Variants in COLGALT1 observed in about 807,000 individuals in gnomAD.
COLGALT1 encodes the protein procollagen galactosyltransferase 1.
In COLGALT1, 43 loss-of-function variants were observed where a neutral mutation model predicts 60.8. The ratio of observed to expected loss-of-function variants is 0.71; its 90% CI spans 0.55 to 0.91. The LOEUF (loss-of-function observed/expected upper bound fraction) is 0.91, where lower values mean the gene tolerates loss of function less well. COLGALT1 is among the 40% of genes least tolerant of loss of function. The pLI is 0.00. For missense variants in COLGALT1, 845 were observed against 880.0 expected (o/e 0.96, Z 0.50); for synonymous variants, 369 against 374.2 (o/e 0.99, Z 0.16).
intron 6 of COLGALT1, among the ~76,000 whole-genome samples, chr19:17,573,418 A>G (rs2076323910): frequency 6.6e-6 from 1 of 152,212 alleles, no homozygotes; most frequent in Non-Finnish European, 1.5e-5. Context: ...AGTCCCAGCT[A>G]CTTGGGAGGC....
At chr19:17,570,236 A>G (rs1447981389) in intron 5 of COLGALT1, among the ~76,000 whole-genome samples, 1 of 151,196 alleles carries the variant, frequency 6.6e-6, no homozygotes, top group African/African-American at 2.4e-5. Context: ...AACAACTTTT[A>G]TATTTTATTT....
intron 3 of COLGALT1, among the ~76,000 whole-genome samples, chr19:17,566,959 C>T (rs2076282752): frequency 6.6e-6 from 1 of 152,022 alleles, no homozygotes; most frequent in Non-Finnish European, 1.5e-5. Context: ...ATTAAAAATA[C>T]AAAAAGTTAC....
At chr19:17,577,003 T>TGGGAGGCAGGAC in intron 6 of COLGALT1, 192 bp from the exon 7 acceptor site, 1 of 587,594 alleles carries the variant, frequency 1.7e-6, no homozygotes, top group East Asian at 2.9e-5. Flanking sequence ...TGGCCAGGGC[T>TGGGAGGCAGGAC]TTGGGCTGCT....
intron 6 of COLGALT1, 191 bp from the exon 7 acceptor site, chr19:17,577,004 T>TGGGTGCGGGGTGAAGC: frequency 3.3e-6 from 1 of 307,172 alleles, no homozygotes; most frequent in Non-Finnish European, 6.1e-6. Flanking sequence ...GGCCAGGGCT[T>TGGGTGCGGGGTGAAGC]TGGGCTGCTG....
At chr19:17,577,313 GC>G (rs1256757896) in intron 7 of COLGALT1, 42 bp downstream of exon 7, 1 of 1,610,048 alleles carries the variant, frequency 6.2e-7, no homozygotes, top group South Asian at 1.1e-5. Context: ...GGGCTGGAGG[GC>G]CCTTGTTTGC....
At position 17,581,180 on chromosome 19, in the gene COLGALT1, C is replaced by A. The variant is rs778596520; in HGVS notation, c.1605C>A (p.Ser535=). 1 of 1,606,264 alleles carries A rather than the reference C, an allele frequency of 6.2e-7. No individual in the cohort carries two copies. The highest frequency in any genetic ancestry group is 1.1e-5 in the South Asian group (1 of 90,876). Residue 535 remains serine (S), a synonymous_variant, in exon 12 of 12, where the codon TCC becomes TCA. Coordinates refer to ENST00000252599, the MANE Select transcript of COLGALT1 (RefSeq NM_024656.4). The part of the protein sequence containing the change: ...LPVMFDKHPV[S]EYKAHFSLRN... The stretch of plus-strand genomic sequence containing the variant: ...ACTCCCCTCCTCCTCCCCCCAGGTC[C>A]GAGTACAAGGCCCACTTCTCCCTCC...
At position 17,572,041 on chromosome 19, in the gene COLGALT1, G is replaced by A. The variant is rs139396701; in HGVS notation, c.830-442G>A. The stretch of plus-strand genomic sequence containing the variant: ...AAAATTATTTGTAGAGCCGGGCGTG[G>A]TGGCTCATACCTGTAATCCCAGCAC... On this transcript the variant is annotated intron_variant, in intron 5 of 11. Transcript: ENST00000252599. 56 of 155,182 alleles carry A rather than the reference G, an allele frequency of 3.6e-4. No individual in the cohort carries two copies. The East Asian group carries it at 8.4e-3, about 23-fold the overall frequency. The allele number at this position is 155,182 out of a possible 1,614,324, so 9.6% of individuals were successfully genotyped here. A position where few individuals can be genotyped will look rare whatever the true frequency, so the allele number is the denominator to read the frequency against.
At chr19:17,574,560 C>G (rs539487217) in intron 6 of COLGALT1, among the ~76,000 whole-genome samples, 1 of 152,198 alleles carries the variant, frequency 6.6e-6, no homozygotes, top group Non-Finnish European at 1.5e-5. Flanking sequence ...GAACTCCTGT[C>G]CTCAGGTGAT....
chr19:17,580,861 G>T lies in COLGALT1; in HGVS notation c.1557G>T (p.Leu519=). 6.2e-7 allele frequency: 1 copy of T among 1,613,954 alleles called. No homozygotes were observed. Among genetic ancestry groups the T allele is most frequent in the Non-Finnish European group, 8.5e-7 (1 of 1,180,016 alleles). ...LLAAEPLSKM[L]PVDEFLPVMF... ...CTGCTGAGCCGCTCTCCAAGATGCT[G>T]CCTGTGGACGAGTTCCTGCCCGTCA... The change falls in exon 11 of 12, where the codon CTG becomes CTT. Residue 519 remains leucine (L), a synonymous_variant. Transcript: ENST00000252599.
Position 17,577,993 on chromosome 19 carries a change from C to T in COLGALT1, c.1170C>T (p.Ile390=). The T allele has an allele frequency of 6.2e-7, 1 of 1,612,252 alleles. No homozygotes were observed. Among genetic ancestry groups the T allele is most frequent in the Non-Finnish European group, 8.5e-7 (1 of 1,179,522 alleles). ...CCAGCCAGGTGGAGGCGCTGGGGAT[C>T]CAGATGCTGCCTGGCTACCGGGACC... The part of the protein sequence containing the change: ...MNTSQVEALG[I]QMLPGYRDPY... Residue 390 remains isoleucine, a synonymous_variant, in exon 9 of 12, where the codon ATC becomes ATT. Transcript: ENST00000252599.
At position 17,581,265 on chromosome 19, in the gene COLGALT1, G is replaced by A; in HGVS notation, c.1690G>A (p.Asp564Asn). The change falls in exon 12 of 12, where the codon GAC (aspartate) becomes AAC (asparagine). Residue 564 changes from aspartate (D) to asparagine (N), a missense_variant. Coordinates refer to ENST00000252599, the MANE Select transcript of COLGALT1 (RefSeq NM_024656.4). ...CATCTACCCCACACACTACACAGGA[G>A]ACGATGGCTATGTGAGTGACACCGA... The part of the protein sequence containing the change: ...LLIYPTHYTG[D>N]DGYVSDTETS... 6.2e-7 allele frequency: 1 copy of A among 1,612,070 alleles called. No homozygotes were observed. Among genetic ancestry groups the A allele is most frequent in the Non-Finnish European group, 8.5e-7 (1 of 1,179,954 alleles).
intron 5 of COLGALT1, among the ~76,000 whole-genome samples, chr19:17,569,507 G>A (rs1235154188): frequency 2.6e-5 from 4 of 151,016 alleles, no homozygotes; most frequent in East Asian, 1.9e-4. Context: ...GTGCGATCTC[G>A]GCTCACTGCA....
chr19:17,581,026 T>C, intron 11 of COLGALT1, 121 bp downstream of exon 11: 1 of 1,401,152 alleles, frequency 7.1e-7, no homozygotes, highest in Non-Finnish European at 9.9e-7. Context: ...TCTCCCTCCG[T>C]TTGCCCCCTC....
chr19:17,579,453 C>T (rs748229813), intron 9 of COLGALT1, 29 bp from the exon 10 acceptor site: 1 of 1,614,032 alleles, frequency 6.2e-7, no homozygotes, highest in African/African-American at 1.3e-5. Flanking sequence ...CTTGGCCTCC[C>T]TGTGATGTGG....
intron 6 of COLGALT1, among the ~76,000 whole-genome samples, chr19:17,573,489 A>G (rs1441277348): frequency 6.6e-6 from 1 of 152,112 alleles, no homozygotes; most frequent in Admixed American, 6.6e-5. Context: ...AGATCGTGCC[A>G]CTGCACTTCA....
At chr19:17,559,627 G>A (rs1197507943) in intron 2 of COLGALT1, among the ~76,000 whole-genome samples, 2 of 152,112 alleles carry the variant, frequency 1.3e-5, no homozygotes, top group Admixed American at 6.6e-5. Context: ...GCCGTTCCCT[G>A]TACCTAGAAT....
chr19:17,568,386 A>ACC, intron 4 of COLGALT1, 123 bp from the exon 5 acceptor site: 1 of 826,896 alleles, frequency 1.2e-6, no homozygotes, highest in Middle Eastern at 3.5e-4. Flanking sequence ...GGGTCCTGGG[A>ACC]CCACAGGCGC....
At position 17,571,063 on chromosome 19, in the gene COLGALT1, G is replaced by A. The variant is rs563039557; in HGVS notation, c.830-1420G>A. Among the ~76,000 whole-genome samples the A allele has an allele frequency of 7.9e-5, 12 of 152,220 alleles. No individual in the cohort carries two copies. In the South Asian group the frequency reaches 8.3e-4, roughly 11 times the overall value. ...GAACAGAGTCATTGAGATAGAAACC[G>A]TCTGGCACACAAGCCTAAAATACTT... On this transcript the variant is annotated intron_variant, in intron 5 of 11. Transcript: ENST00000252599.
At chr19:17,576,499 G>T (rs1291814809) in intron 6 of COLGALT1, among the ~76,000 whole-genome samples, 1 of 151,874 alleles carries the variant, frequency 6.6e-6, no homozygotes, top group Admixed American at 6.6e-5. Context: ...GGAGCATGGG[G>T]CGTGGCCAGG....
Sources: allele counts gnomAD v4.1 joint callset (sites outside exome capture counted in the v4.1 genomes callset), GRCh38; gene constraint gnomAD v4.1.1; transcripts MANE v1.5; gene names NCBI Gene and HGNC (gene_info 2026-07-23, HGNC 2026-07-21).